The following ERBB4 variants were observed in gnomAD, a reference collection of about 807,000 sequenced individuals.
ERBB4 encodes the protein receptor tyrosine-protein kinase erbB-4.
ERBB4 carries 42 observed loss-of-function variants against 158.0 expected under a neutral mutation model. That is an observed-to-expected ratio of 0.27 (90% confidence interval 0.21 to 0.34). ERBB4 has a LOEUF of 0.34. Among genes scored for constraint, ERBB4 ranks in the 10% least tolerant of loss-of-function variants. The pLI is 1.00. For missense variants in ERBB4, 1,333 were observed against 1,624.1 expected (o/e 0.82, Z 3.08); for synonymous variants, 583 against 558.7 (o/e 1.04, Z -0.61).
chr2:211,457,654 A>G (rs2064416844), intron 20 of ERBB4, among the ~76,000 whole-genome samples: 1 of 152,204 alleles, frequency 6.6e-6, no homozygotes, highest in Non-Finnish European at 1.5e-5. Context: ...GAACTCTTAC[A>G]TCATGCATGC....
At chr2:212,130,217 G>C (rs764457994) in intron 1 of ERBB4, among the ~76,000 whole-genome samples, 1 of 152,052 alleles carries the variant, frequency 6.6e-6, no homozygotes, top group Non-Finnish European at 1.5e-5. Context: ...GCCTACAATA[G>C]TTCAAGCATC....
At chr2:211,415,320 C>T (rs1384013776) in intron 25 of ERBB4, among the ~76,000 whole-genome samples, 45 of 151,634 alleles carry the variant, frequency 3.0e-4, no homozygotes, top group African/African-American at 9.9e-4. Context: ...GGGGTTTCAC[C>T]GCGTTAGCCA....
intron 12 of ERBB4, among the ~76,000 whole-genome samples, chr2:211,694,237 T>C (rs1227493115): frequency 6.6e-6 from 1 of 152,210 alleles, no homozygotes; most frequent in Non-Finnish European, 1.5e-5. Flanking sequence ...TCTGGAGAAC[T>C]GGAGCCTAGC....
intron 2 of ERBB4, among the ~76,000 whole-genome samples, chr2:211,986,540 A>G (rs1017713651): frequency 6.6e-6 from 1 of 152,190 alleles, no homozygotes; most frequent in Non-Finnish European, 1.5e-5. Flanking sequence ...CCTTACATCA[A>G]AATTGATTTC....
At chr2:211,409,791 A>G (rs2063220670) in intron 25 of ERBB4, among the ~76,000 whole-genome samples, 1 of 152,206 alleles carries the variant, frequency 6.6e-6, no homozygotes, top group African/African-American at 2.4e-5. Flanking sequence ...GAAGCTTCTC[A>G]CATACCCCTT....
At chr2:211,585,474 C>T (rs10932386) in intron 19 of ERBB4, among the ~76,000 whole-genome samples, 135,634 of 152,200 alleles carry the variant, frequency 0.89, 60,653 homozygotes, top group African/African-American at 0.96. Context: ...GACATTAATT[C>T]ATTGATAATT....
At position 211,493,795 on chromosome 2, in the gene ERBB4, G is replaced by T. The variant is rs116694413; in HGVS notation, c.2488-62695C>A. Among the ~76,000 whole-genome samples the T allele has an allele frequency of 4.5e-3, 678 of 152,062 alleles. 6 individuals are homozygous for T. The highest frequency in any genetic ancestry group is 0.016 in the African/African-American group (653 of 41,514). ...AGGTTAATAAATCAAAAGTATTTCT[G>T]GCAATATTACATGCTTCCCTAACTC... On this transcript the variant is annotated intron_variant, in intron 20 of 27. Transcript: ENST00000342788.
rs2062623180 is a variant in ERBB4, at chr2:211,383,764, G to C, written c.3778C>G (p.Gln1260Glu). Residue 1260 changes from glutamine to glutamate, a missense_variant, in exon 28 of 28, where the codon CAG becomes GAG. This residue lies in a region of ERBB4 where 84 missense variants were observed against 110.8 expected (regional missense o/e 0.76). Transcript: ENST00000342788. The stretch of plus-strand genomic sequence containing the variant: ...TAAAAATATTTTGTGCTGTACTCCT[G>C]CAGGTAGTCTGGGTGCTGAAGGGTG... ...RSTLQHPDYL[Q>E]EYSTKYFYKQ... The C allele has an allele frequency of 6.2e-7, 1 of 1,614,108 alleles. No individual in the cohort carries two copies. Among genetic ancestry groups the C allele is most frequent in the East Asian group, 2.2e-5 (1 of 44,868 alleles).
At chr2:211,580,866 C>G (rs796135133) in intron 19 of ERBB4, among the ~76,000 whole-genome samples, 33 of 64,168 alleles carry the variant, frequency 5.1e-4, no homozygotes, top group African/African-American at 2.5e-3. Context: ...TATGCATATA[C>G]ATATATATAT....
chr2:212,408,381 T>C (rs1040999147), intron 1 of ERBB4, among the ~76,000 whole-genome samples: 2 of 152,142 alleles, frequency 1.3e-5, no homozygotes, highest in Non-Finnish European at 2.9e-5. Context: ...CTGAGGATAA[T>C]GGCTATTATT....
At chr2:211,794,015 C>T (rs757693823) in intron 3 of ERBB4, among the ~76,000 whole-genome samples, 3 of 151,874 alleles carry the variant, frequency 2.0e-5, no homozygotes, top group Non-Finnish European at 2.9e-5. Context: ...GCTCGATGAT[C>T]AGAGTCAAAA....
intron 1 of ERBB4, among the ~76,000 whole-genome samples, chr2:212,392,290 A>T (rs1039157225): frequency 6.6e-6 from 1 of 151,938 alleles, no homozygotes; most frequent in African/African-American, 2.4e-5. Context: ...ACTCAAAAAC[A>T]TGTTTCTTAT....
intron 20 of ERBB4, among the ~76,000 whole-genome samples, chr2:211,439,813 A>G (rs1411752454): frequency 1.3e-5 from 2 of 152,204 alleles, no homozygotes; most frequent in African/African-American, 2.4e-5. Flanking sequence ...GAATGTGGGA[A>G]AGCAAACCCT....
intron 2 of ERBB4, among the ~76,000 whole-genome samples, chr2:212,113,339 G>C (rs1306174437): frequency 6.6e-6 from 1 of 152,026 alleles, no homozygotes; most frequent in Non-Finnish European, 1.5e-5. Flanking sequence ...ACTTTGAGAG[G>C]CTGAGGAGGG....
At chr2:211,776,729 G>C (rs55988377) in intron 4 of ERBB4, among the ~76,000 whole-genome samples, 8,450 of 152,246 alleles carry the variant, frequency 0.056, 368 homozygotes, top group Non-Finnish European at 0.086. Flanking sequence ...AAGTTGAATT[G>C]GCAGAGGTTT....
At chr2:211,985,378 C>T (rs374739814) in intron 2 of ERBB4, among the ~76,000 whole-genome samples, 8 of 152,160 alleles carry the variant, frequency 5.3e-5, no homozygotes, top group South Asian at 2.1e-4. Context: ...TTAGATTTTT[C>T]GGTATTTGTA....
At chr2:212,346,620 T>C (rs1013298182) in intron 1 of ERBB4, among the ~76,000 whole-genome samples, 5 of 151,792 alleles carry the variant, frequency 3.3e-5, no homozygotes, top group Non-Finnish European at 5.9e-5. Flanking sequence ...CCAACAACCA[T>C]CATGCGAAAA....
chr2:212,382,515 T>A (rs757097051), intron 1 of ERBB4, among the ~76,000 whole-genome samples: 3 of 150,928 alleles, frequency 2.0e-5, no homozygotes, highest in Non-Finnish European at 3.0e-5. Context: ...TGTTTGTAAA[T>A]GTATCTAGTA....
chr2:211,803,791 C>T (rs1038111172), intron 3 of ERBB4, among the ~76,000 whole-genome samples: 8 of 152,214 alleles, frequency 5.3e-5, no homozygotes, highest in African/African-American at 1.7e-4. Flanking sequence ...GCTCTTACTA[C>T]ATCAATAACC....
Sources: gnomAD v4.1 joint callset for allele counts (sites outside exome capture counted in the v4.1 genomes callset) on GRCh38, gnomAD v4.1.1 for gene constraint, gnomAD v4.1.1 regional missense constraint, MANE v1.5 for transcripts, NCBI Gene and HGNC (gene_info 2026-07-23, HGNC 2026-07-21) for gene names.